The following RARB variants were observed in gnomAD, a reference collection of about 807,000 sequenced individuals.
The protein encoded by RARB is HBV-activated protein.
A neutral mutation model predicts 51.9 loss-of-function variants in RARB; 17 were observed. The ratio of observed to expected loss-of-function variants is 0.33; its 90% CI spans 0.22 to 0.49. RARB has a LOEUF of 0.49. Among genes scored for constraint, RARB ranks in the 20% least tolerant of loss-of-function variants. The probability of loss-of-function intolerance (pLI) is 0.99; values close to 1 mark genes in which losing one functional copy is unlikely to be tolerated. For synonymous variants in RARB, 215 were observed against 195.4 expected, an observed-to-expected ratio of 1.10 and a Z score of -0.84; for missense variants, 369 against 550.8, an observed-to-expected ratio of 0.67 and a Z score of 3.30.
chr3:25,058,099 A>G (rs1431276941), intron 2 of RARB, among the ~76,000 whole-genome samples: 3 of 151,962 alleles, frequency 2.0e-5, no homozygotes, highest in Non-Finnish European at 2.9e-5. Context: ...TTTCACCTAA[A>G]TGGCACTGAG....
At chr3:25,513,115 TAAAAA>T (rs11420573) in intron 3 of RARB, among the ~76,000 whole-genome samples, 4 of 98,498 alleles carry the variant, frequency 4.1e-5, no homozygotes, top group African/African-American at 7.6e-5. Flanking sequence ...CTGTCTTTAC[TAAAAA>T]AAAAAAAAAA....
chr3:25,273,950 C>A (rs1031370826), intron 5 of RARB, among the ~76,000 whole-genome samples: 4 of 152,180 alleles, frequency 2.6e-5, no homozygotes, highest in African/African-American at 9.7e-5. Context: ...TGGCCTGCCA[C>A]CCCTGCACTG....
At chr3:25,398,497 G>A (rs1479939487) in intron 5 of RARB, among the ~76,000 whole-genome samples, 3 of 152,172 alleles carry the variant, frequency 2.0e-5, no homozygotes, top group Non-Finnish European at 4.4e-5. Flanking sequence ...ATCATATTTT[G>A]AAATATTGCT....
intron 2 of RARB, among the ~76,000 whole-genome samples, chr3:25,473,685 A>G (rs1476601403): frequency 1.3e-5 from 2 of 152,114 alleles, no homozygotes; most frequent in Admixed American, 1.3e-4. Flanking sequence ...TGGTGTCAAG[A>G]TGTATGAGAA....
chr3:25,461,087 G>A, intron 1 of RARB, 106 bp from the exon 2 acceptor site: 1 of 1,312,470 alleles, frequency 7.6e-7, no homozygotes, highest in Non-Finnish European at 1.0e-6. Context: ...TCTTGCTAGT[G>A]TTATTGCTGA....
intron 5 of RARB, among the ~76,000 whole-genome samples, chr3:25,352,863 G>A (rs1705617918): frequency 6.6e-6 from 1 of 152,188 alleles, no homozygotes; most frequent in African/African-American, 2.4e-5. Context: ...AATTCCAGAT[G>A]TGACTCTGCA....
chr3:25,080,719 A>G (rs1313171644), intron 3 of RARB, among the ~76,000 whole-genome samples: 2 of 152,130 alleles, frequency 1.3e-5, no homozygotes, highest in Non-Finnish European at 2.9e-5. Flanking sequence ...TCTTTGGAGA[A>G]ATCTATATTT....
chr3:25,551,245 C>A (rs1023861653), intron 3 of RARB, among the ~76,000 whole-genome samples: 2 of 152,178 alleles, frequency 1.3e-5, no homozygotes, highest in Non-Finnish European at 2.9e-5. Flanking sequence ...AAGGAGTCAT[C>A]TGTGGAACCC....
intron 5 of RARB, among the ~76,000 whole-genome samples, chr3:25,348,638 A>C (rs1321940755): frequency 1.3e-5 from 2 of 152,246 alleles, no homozygotes; most frequent in African/African-American, 4.8e-5. Context: ...CACATGACCC[A>C]CAACTTACAG....
intron 5 of RARB, among the ~76,000 whole-genome samples, chr3:25,221,578 G>A (rs1374626413): frequency 6.6e-6 from 1 of 152,138 alleles, no homozygotes; most frequent in Non-Finnish European, 1.5e-5. Context: ...ACATTGGTGG[G>A]TATAAGTCTA....
intron 3 of RARB, among the ~76,000 whole-genome samples, chr3:25,120,223 T>C (rs1575169441): frequency 2.0e-5 from 3 of 152,134 alleles, no homozygotes; most frequent in South Asian, 2.1e-4. Flanking sequence ...TGAAAGACGA[T>C]AAATGGCAAC....
intron 2 of RARB, among the ~76,000 whole-genome samples, chr3:24,888,933 G>A (rs1703318623): frequency 6.6e-6 from 1 of 152,138 alleles, no homozygotes; most frequent in Admixed American, 6.6e-5. Context: ...GACAGTCCTG[G>A]ATCTTATTTA....
chr3:25,576,636 T>C (rs1164577121), intron 4 of RARB, among the ~76,000 whole-genome samples: 1 of 152,222 alleles, frequency 6.6e-6, no homozygotes, highest in African/African-American at 2.4e-5. Context: ...GGCATCACTC[T>C]TGCTTTTTAG....
chr3:25,488,812 T>C (rs1330496087), intron 2 of RARB, among the ~76,000 whole-genome samples: 2 of 152,238 alleles, frequency 1.3e-5, no homozygotes, highest in Non-Finnish European at 2.9e-5. Flanking sequence ...AAGGGCTCTG[T>C]CAGGGAAAAT....
chr3:25,304,385 C>T (rs1185796037), intron 5 of RARB, among the ~76,000 whole-genome samples: 2 of 152,240 alleles, frequency 1.3e-5, no homozygotes, highest in Non-Finnish European at 2.9e-5. Context: ...GATCCCAAAT[C>T]TTCCCACCTC....
At chr3:25,432,491 G>A (rs1453856131) in intron 1 of RARB, among the ~76,000 whole-genome samples, 1 of 152,146 alleles carries the variant, frequency 6.6e-6, no homozygotes, top group Admixed American at 6.5e-5. Context: ...TGACCAGAAT[G>A]GCTATTTCTG....
At chr3:25,348,512 T>C (rs1190640337) in intron 5 of RARB, among the ~76,000 whole-genome samples, 3 of 151,836 alleles carry the variant, frequency 2.0e-5, no homozygotes, top group African/African-American at 4.8e-5. Context: ...TAAAAGTGGG[T>C]AATATAATTT....
At chr3:24,892,797 C>A (rs1162339484) in intron 2 of RARB, among the ~76,000 whole-genome samples, 2 of 152,146 alleles carry the variant, frequency 1.3e-5, no homozygotes, top group East Asian at 1.9e-4. Flanking sequence ...GGGAGACATA[C>A]CCCTCAAACA....
chr3:25,398,202 C>A (rs1410029826), intron 5 of RARB, among the ~76,000 whole-genome samples: 1 of 152,062 alleles, frequency 6.6e-6, no homozygotes, highest in Non-Finnish European at 1.5e-5. Flanking sequence ...CTTTCCCATC[C>A]CTCTGAGAAC....
Sources: allele counts gnomAD v4.1 joint callset (sites outside exome capture counted in the v4.1 genomes callset), GRCh38; gene constraint gnomAD v4.1.1; transcripts MANE v1.5; gene names NCBI Gene and HGNC (gene_info 2026-07-23, HGNC 2026-07-21).